Variants in SCN2A observed in about 807,000 individuals in gnomAD.
The protein encoded by SCN2A is sodium voltage-gated channel alpha subunit 2.
In SCN2A, 20 loss-of-function variants were observed where a neutral mutation model predicts 188.7. The observed-to-expected ratio is 0.11, with a 90% confidence interval of 0.07 to 0.15. The LOEUF (loss-of-function observed/expected upper bound fraction) is 0.15, where lower values mean the gene tolerates loss of function less well. Ranked by LOEUF, SCN2A falls within the 10% of genes least tolerant of loss-of-function variation. The pLI is 1.00. For missense variants in SCN2A, 1,278 were observed against 2,445.0 expected, an observed-to-expected ratio of 0.52 and a Z score of 10.07; for synonymous variants, 804 against 833.1, an observed-to-expected ratio of 0.97 and a Z score of 0.60.
chr2:165,288,731 CATGTGTGT>C (rs1695967652), intron 1 of SCN2A, among the ~76,000 whole-genome samples: 1 of 132,208 alleles, frequency 7.6e-6, no homozygotes, highest in Non-Finnish European at 1.7e-5. Context: ...GATACATATA[CATGTGTGT>C]GTGTGTGTGT....
chr2:165,378,419 G>A (rs1043584122), intron 23 of SCN2A, among the ~76,000 whole-genome samples: 1 of 151,382 alleles, frequency 6.6e-6, no homozygotes, highest in South Asian at 2.1e-4. Context: ...GTGCTATCAG[G>A]AATTCCAGTT....
At chr2:165,386,723 C>T in intron 25 of SCN2A, 23 bp from the exon 26 acceptor site, 1 of 1,607,144 alleles carries the variant, frequency 6.2e-7, no homozygotes, top group Non-Finnish European at 8.5e-7. Context: ...TCTAATGGAA[C>T]TTTTACATAT....
intron 3 of SCN2A, among the ~76,000 whole-genome samples, chr2:165,303,804 T>C (rs968156245): frequency 1.2e-4 from 18 of 152,174 alleles, no homozygotes; most frequent in Non-Finnish European, 2.9e-5. Context: ...GTATCAGAAG[T>C]TTTAACTTAA....
chr2:165,335,302 T>C (rs899076617), intron 14 of SCN2A, among the ~76,000 whole-genome samples: 2 of 151,666 alleles, frequency 1.3e-5, no homozygotes, highest in Non-Finnish European at 3.0e-5. Flanking sequence ...CCACACAATC[T>C]TAACTAGAAA....
intron 2 of SCN2A, chr2:165,296,463 A>G (rs1315380056): frequency 1.9e-5 from 5 of 260,958 alleles, no homozygotes; most frequent in South Asian, 9.6e-5. Flanking sequence ...TTTATTTTTT[A>G]TATTTGCAGG....
chr2:165,247,584 T>C (rs955715046), intron 1 of SCN2A, among the ~76,000 whole-genome samples: 2 of 152,158 alleles, frequency 1.3e-5, no homozygotes, highest in Admixed American at 6.6e-5. Context: ...ATTTTGACTC[T>C]TCTCTTAGCT....
chr2:165,257,331 A>G (rs1251024907), intron 1 of SCN2A, among the ~76,000 whole-genome samples: 2 of 152,220 alleles, frequency 1.3e-5, no homozygotes, highest in African/African-American at 2.4e-5. Flanking sequence ...ATTTACAGAC[A>G]TACCTCAGAG....
intron 13 of SCN2A, chr2:165,328,337 G>C (rs545135678): frequency 5.7e-6 from 1 of 175,498 alleles, no homozygotes; most frequent in African/African-American, 2.4e-5. Flanking sequence ...CCCCAACCTC[G>C]CCTGCGTTAG....
intron 1 of SCN2A, among the ~76,000 whole-genome samples, chr2:165,292,504 G>A (rs951908895): frequency 2.0e-5 from 3 of 151,720 alleles, no homozygotes; most frequent in African/African-American, 4.8e-5. Context: ...TATAGTCCAC[G>A]GTGTCTCTTG....
At chr2:165,240,456 C>A (rs886269198) in intron 1 of SCN2A, among the ~76,000 whole-genome samples, 2 of 152,142 alleles carry the variant, frequency 1.3e-5, no homozygotes, top group African/African-American at 4.8e-5. Context: ...AACAGCCTTG[C>A]TTCTCTCTGC....
At chr2:165,348,984 A>G (rs760514477) in intron 16 of SCN2A, among the ~76,000 whole-genome samples, 1 of 152,260 alleles carries the variant, frequency 6.6e-6, no homozygotes, top group Non-Finnish European at 1.5e-5. Context: ...TGTATTCATT[A>G]GAAGCTAGTC....
chr2:165,249,434 G>A (rs960761072), intron 1 of SCN2A, among the ~76,000 whole-genome samples: 1 of 152,030 alleles, frequency 6.6e-6, no homozygotes, highest in African/African-American at 2.4e-5. Flanking sequence ...CATATCACAG[G>A]AAGTTAATTA....
At position 165,392,250 on chromosome 2, in the gene SCN2A, T is replaced by C. The variant is rs1327961562; in HGVS notation, c.*2426T>C. On this transcript the variant is annotated 3_prime_UTR_variant, in exon 27 of 27. Coordinates refer to ENST00000375437, the MANE Select transcript of SCN2A (RefSeq NM_001040142.2). ...TTAATATTGGCCAAAAAGCTAGATA[T>C]GGCATCAGGTAGACTAGTGGAAAGT... 1.3e-5 allele frequency: 2 copies of C among 152,504 alleles called. No individual in the cohort carries two copies. Among genetic ancestry groups the C allele is most frequent in the African/African-American group, 2.4e-5 (1 of 41,432 alleles). The allele number at this position is 152,504 out of a possible 1,614,324, so 9.4% of individuals were successfully genotyped here.
intron 14 of SCN2A, among the ~76,000 whole-genome samples, chr2:165,340,442 G>T (rs1471509068): frequency 6.6e-6 from 1 of 152,186 alleles, no homozygotes; most frequent in Non-Finnish European, 1.5e-5. Context: ...TCCATTTACT[G>T]AGTTAGCAAA....
chr2:165,282,432 T>C (rs182685362), intron 1 of SCN2A, among the ~76,000 whole-genome samples: 76 of 152,310 alleles, frequency 5.0e-4, no homozygotes, highest in African/African-American at 1.7e-3. Flanking sequence ...TATGGCTCTG[T>C]GTTTGCCCTG....
At chr2:165,351,336 A>G (rs1393923078) in intron 16 of SCN2A, among the ~76,000 whole-genome samples, 5 of 152,172 alleles carry the variant, frequency 3.3e-5, no homozygotes, top group South Asian at 4.1e-4. Flanking sequence ...AAGAAAAGTC[A>G]TATGTTCCAG....
chr2:165,273,397 C>A (rs964942285), intron 1 of SCN2A: 4 of 152,000 alleles, frequency 2.6e-5, no homozygotes, highest in Admixed American at 2.6e-4. Context: ...TTGGGAGGCC[C>A]CCTTCCAAAC....
Position 165,373,046 on chromosome 2 carries a change from T to C in SCN2A, c.3850-179T>C, listed in dbSNP as rs148491441. Reference sequence around the variant, plus strand: ...GGGAACCTGTAGAAATGCAAATTCTTAGGCCTTTCCCCAAACTTACTAAGT... The same window carrying C: ...GGGAACCTGTAGAAATGCAAATTCTCAGGCCTTTCCCCAAACTTACTAAGT... On this transcript the variant is annotated intron_variant, in intron 20 of 26. Coordinates refer to ENST00000375437, the MANE Select transcript of SCN2A (RefSeq NM_001040142.2). The C allele has an allele frequency of 3.8e-4, 235 of 612,594 alleles. No individual in the cohort carries two copies. The African/African-American group carries it at 3.9e-3, about 10-fold the overall frequency. The allele number at this position is 612,594 out of a possible 1,614,324, so 37.9% of individuals were successfully genotyped here. A position where few individuals can be genotyped will look rare whatever the true frequency, so the allele number is the denominator to read the frequency against.
At chr2:165,292,151 T>C (rs1696247232) in intron 1 of SCN2A, among the ~76,000 whole-genome samples, 4 of 152,202 alleles carry the variant, frequency 2.6e-5, no homozygotes. Context: ...TGCCTAAGAC[T>C]AGCCCTGGAC....
Sources: allele counts gnomAD v4.1 joint callset (sites outside exome capture counted in the v4.1 genomes callset), GRCh38; gene constraint gnomAD v4.1.1; transcripts MANE v1.5; gene names NCBI Gene and HGNC (gene_info 2026-07-23, HGNC 2026-07-21).